The following ARHGAP28 variants were observed in gnomAD, a reference collection of about 807,000 sequenced individuals.
ARHGAP28 encodes Rho GTPase activating protein 28.
In ARHGAP28, 56 loss-of-function variants were observed where a neutral mutation model predicts 90.7. The ratio of observed to expected loss-of-function variants is 0.62; its 90% CI spans 0.50 to 0.77. ARHGAP28 has a LOEUF of 0.77. Among genes scored for constraint, ARHGAP28 ranks in the 30% least tolerant of loss-of-function variants. ARHGAP28 has a pLI of 0.00. For synonymous variants in ARHGAP28, 308 were observed against 323.3 expected (o/e 0.95, Z 0.51); for missense variants, 869 against 900.9 (o/e 0.96, Z 0.45).
intron 1 of ARHGAP28, among the ~76,000 whole-genome samples, chr18:6,787,988 T>C (rs2056378614): frequency 1.3e-5 from 2 of 152,202 alleles, no homozygotes; most frequent in African/African-American, 4.8e-5. Context: ...AGTCAGAAAA[T>C]ACAGGTTGGC....
chr18:6,880,026 T>C (rs2143623598), intron 10 of ARHGAP28, among the ~76,000 whole-genome samples: 1 of 152,252 alleles, frequency 6.6e-6, no homozygotes, highest in African/African-American at 2.4e-5. Flanking sequence ...TTTGCAGAGG[T>C]ATGTGGAAAA....
At chr18:6,845,121 C>T (rs1413458198) in intron 3 of ARHGAP28, among the ~76,000 whole-genome samples, 1 of 152,168 alleles carries the variant, frequency 6.6e-6, no homozygotes, top group African/African-American at 2.4e-5. Flanking sequence ...TGCTGTCACC[C>T]AGGCTGCAGT....
At chr18:6,741,633 G>GA (rs1261454754) in intron 1 of ARHGAP28, among the ~76,000 whole-genome samples, 1 of 151,220 alleles carries the variant, frequency 6.6e-6, no homozygotes, top group South Asian at 2.1e-4. Context: ...TGGGAGTTAA[G>GA]AAAAAAAATA....
chr18:6,911,204 C>T (rs528351312), intron 17 of ARHGAP28, among the ~76,000 whole-genome samples: 2 of 152,178 alleles, frequency 1.3e-5, no homozygotes, highest in Non-Finnish European at 2.9e-5. Context: ...CTTTCGAATA[C>T]GTTTGCCCCA....
Position 6,890,045 on chromosome 18 carries a change from T to G in ARHGAP28, c.1694T>G (p.Ile565Ser), listed in dbSNP as rs1185229533. Residue 565 changes from isoleucine (I) to serine (S), a missense_variant, in exon 13 of 18, where the codon ATC becomes AGC. Physicochemically the swap from Ile to Ser is moderately radical, Grantham distance 142. Coordinates refer to ENST00000383472, the MANE Select transcript of ARHGAP28 (RefSeq NM_001366230.1). ...ELLLANTAAH[I>S]IRLMLKYQKI... ...CTGTTAGCAAACACTGCGGCCCACA[T>G]CATCCGCCTAATGCTTAAGTACCAG... is the stretch of plus-strand genomic sequence containing the variant. 6.2e-7 allele frequency: 1 copy of G among 1,614,062 alleles called. No homozygotes were observed. Among genetic ancestry groups the G allele is most frequent in the Non-Finnish European group, 8.5e-7 (1 of 1,180,038 alleles).
Position 6,864,980 on chromosome 18 carries a change from C to T in ARHGAP28, c.727-3170C>T, listed in dbSNP as rs150388702. On this transcript the variant is annotated intron_variant, in intron 5 of 17. Transcript: ENST00000383472. ...AGCGATTTCCCATATCCCCCCATTC[C>T]TATGCATGCCTAATCTTTCCAGCAG... is the stretch of plus-strand genomic sequence containing the variant. Among the ~76,000 whole-genome samples the T allele has an allele frequency of 9.0e-3, 1,378 of 152,314 alleles. 8 individuals carry two copies. Among genetic ancestry groups the T allele is most frequent in the Non-Finnish European group, 0.015 (1,030 of 68,026 alleles).
At chr18:6,746,944 A>ACACTGTATT (rs1298081683) in intron 1 of ARHGAP28, among the ~76,000 whole-genome samples, 2 of 152,150 alleles carry the variant, frequency 1.3e-5, no homozygotes, top group African/African-American at 4.8e-5. Flanking sequence ...AGCACTGTAT[A>ACACTGTATT]TTGAACACTT....
chr18:6,850,335 G>T (rs952666819), intron 3 of ARHGAP28, among the ~76,000 whole-genome samples: 3 of 152,040 alleles, frequency 2.0e-5, no homozygotes, highest in African/African-American at 4.8e-5. Context: ...CTTGATACTG[G>T]TTTACAAACC....
intron 2 of ARHGAP28, among the ~76,000 whole-genome samples, chr18:6,835,333 A>G (rs1381298062): frequency 6.6e-6 from 1 of 152,220 alleles, no homozygotes; most frequent in African/African-American, 2.4e-5. Context: ...TAGCTTAAGG[A>G]AGAGCTCCAT....
intron 1 of ARHGAP28, among the ~76,000 whole-genome samples, chr18:6,737,298 G>A (rs2055937286): frequency 6.6e-6 from 1 of 152,040 alleles, no homozygotes; most frequent in Non-Finnish European, 1.5e-5. Flanking sequence ...CAGCATAACT[G>A]CATGTGTTTA....
At chr18:6,877,379 C>T (rs28583427) in intron 10 of ARHGAP28, among the ~76,000 whole-genome samples, 2,387 of 152,274 alleles carry the variant, frequency 0.016, 57 homozygotes, top group African/African-American at 0.055. Flanking sequence ...TCAGACAATT[C>T]CTAACCATGG....
chr18:6,756,754 C>T (rs2056113714), intron 1 of ARHGAP28, among the ~76,000 whole-genome samples: 1 of 152,142 alleles, frequency 6.6e-6, no homozygotes, highest in Admixed American at 6.5e-5. Context: ...CAGTCTTTGG[C>T]CAAAGTCTGA....
chr18:6,823,312 T>C (rs1168216953), intron 1 of ARHGAP28, among the ~76,000 whole-genome samples: 1 of 152,040 alleles, frequency 6.6e-6, no homozygotes, highest in Non-Finnish European at 1.5e-5. Context: ...AATCTAGTAT[T>C]CGTCTTTTTG....
At chr18:6,893,865 T>TG (rs1486572929) in intron 14 of ARHGAP28, among the ~76,000 whole-genome samples, 5 of 114,510 alleles carry the variant, frequency 4.4e-5, no homozygotes, top group African/African-American at 1.0e-4. Flanking sequence ...TATTGCTTTT[T>TG]GGTTTTTTTT....
At chr18:6,770,561 G>A (rs1014397840) in intron 1 of ARHGAP28, among the ~76,000 whole-genome samples, 2 of 152,102 alleles carry the variant, frequency 1.3e-5, no homozygotes, top group Non-Finnish European at 2.9e-5. Context: ...CTCGTCACAG[G>A]CAGCATTTAA....
rs149764610 is a variant in ARHGAP28 at position 6,839,593 on chromosome 18, G to A, written c.543+2179G>A. 7.6e-3 allele frequency among the ~76,000 whole-genome samples: 1,157 copies of A among 152,206 alleles called. 9 individuals carry two copies. Among genetic ancestry groups the A allele is most frequent in the East Asian group, 0.01 (54 of 5,178 alleles). ...ATTACAGGCGTGAGCCACTGCGCCC[G>A]GCCATAATTTTTTTAGATTAAGAGT... is the stretch of plus-strand genomic sequence containing the variant. On this transcript the variant is annotated intron_variant, in intron 3 of 17. Coordinates refer to ENST00000383472, the MANE Select transcript of ARHGAP28 (RefSeq NM_001366230.1).
chr18:6,807,030 G>A (rs77466319), intron 1 of ARHGAP28, among the ~76,000 whole-genome samples: 3 of 151,796 alleles, frequency 2.0e-5, no homozygotes, highest in African/African-American at 7.3e-5. Flanking sequence ...TTGATTTTAC[G>A]ATTTTTTCTT....
At position 6,794,423 on chromosome 18, in the gene ARHGAP28, G is replaced by A. The variant is rs2056427178; in HGVS notation, c.123-30339G>A. Among the ~76,000 whole-genome samples, 3 of 152,192 alleles carry A rather than the reference G, an allele frequency of 2.0e-5. No individual in the cohort carries two copies. The South Asian group carries it at 6.2e-4, about 31-fold the overall frequency. On this transcript the variant is annotated intron_variant, in intron 1 of 17. Transcript: ENST00000383472. ...GGGAGACAGTCCTGTGAATTGCAGA[G>A]GAACCTTGGAACTGCCCATCCTCAC... is the stretch of plus-strand genomic sequence containing the variant.
rs2056368614 is a variant in ARHGAP28 at position 6,786,846 on chromosome 18, C to T, written c.123-37916C>T. 2.0e-5 allele frequency among the ~76,000 whole-genome samples: 3 copies of T among 151,878 alleles called. No homozygotes were observed. The South Asian group carries it at 6.2e-4, about 31-fold the overall frequency. On this transcript the variant is annotated intron_variant, in intron 1 of 17. Coordinates refer to ENST00000383472, the MANE Select transcript of ARHGAP28 (RefSeq NM_001366230.1). ...TTTCTTTTCAGAGCTCAGCTTCTTA[C>T]CAGCAAAGTTTTTTATTTTCTAGGC...
Sources: gnomAD v4.1 joint callset for allele counts (sites outside exome capture counted in the v4.1 genomes callset) on GRCh38, gnomAD v4.1.1 for gene constraint, MANE v1.5 for transcripts, NCBI Gene and HGNC (gene_info 2026-07-23, HGNC 2026-07-21) for gene names.